Variants in ZNF439 observed in about 807,000 individuals in gnomAD.
The protein encoded by ZNF439 is zinc finger protein 439.
A neutral mutation model predicts 47.3 loss-of-function variants in ZNF439; 40 were observed. The ratio of observed to expected loss-of-function variants is 0.85; its 90% CI spans 0.66 to 1.10. The LOEUF (loss-of-function observed/expected upper bound fraction) is 1.10. Ranked by LOEUF, ZNF439 falls within the 50% of genes least tolerant of loss-of-function variation. ZNF439 has a pLI of 0.00. For missense variants in ZNF439, 556 were observed against 601.1 expected, an observed-to-expected ratio of 0.93 and a Z score of 0.78; for synonymous variants, 171 against 198.8, an observed-to-expected ratio of 0.86 and a Z score of 1.18.
Position 11,851,267 on chromosome 19 carries a change from T to G in ZNF439, c.63+2337T>G, listed in dbSNP as rs189650990. Among the ~76,000 whole-genome samples the G allele has an allele frequency of 2.6e-3, 393 of 152,332 alleles. 1 individual carries two copies. The highest frequency in any genetic ancestry group is 2.5e-3 in the Non-Finnish European group (172 of 68,032). The stretch of plus-strand genomic sequence containing the variant: ...AAACTAAGCTGTGCCTACCTGCATG[T>G]GGGCTGACAGCATCACAAAATTTAT... On this transcript the variant is annotated intron_variant, in intron 1 of 3. Transcript: ENST00000682736.
chr19:11,860,647 CG>C (rs1976514641), intron 1 of ZNF439, among the ~76,000 whole-genome samples: 1 of 152,114 alleles, frequency 6.6e-6, no homozygotes, highest in African/African-American at 2.4e-5. Context: ...AAGAAGGGGT[CG>C]GGGGCACCTT....
intron 1 of ZNF439, among the ~76,000 whole-genome samples, chr19:11,852,031 T>G (rs531360287): frequency 7.7e-4 from 117 of 152,328 alleles, no homozygotes; most frequent in Non-Finnish European, 1.3e-3. Context: ...TCCTTTTCAA[T>G]TTAAAAGAGT....
chr19:11,853,595 G>A lies in ZNF439; in HGVS notation c.63+4665G>A, dbSNP rs11880176. 1.6e-3 allele frequency among the ~76,000 whole-genome samples: 239 copies of A among 152,298 alleles called. 1 individual carries two copies. The highest frequency in any genetic ancestry group is 3.4e-3 in the Middle Eastern group (1 of 294). On this transcript the variant is annotated intron_variant, in intron 1 of 3. Transcript: ENST00000682736. Reference sequence around the variant, plus strand: ...GTCCTCAGTATACCTTCTGGCAGCAGAAGCAGATGTGAGTTTGCCCACATT... The same window carrying A: ...GTCCTCAGTATACCTTCTGGCAGCAAAAGCAGATGTGAGTTTGCCCACATT...
Position 11,866,280 on chromosome 19 carries a change from A to T in ZNF439, c.139A>T (p.Asn47Tyr), listed in dbSNP as rs1976679453. The change falls in exon 2 of 4, where the codon AAT (asparagine) becomes TAT (tyrosine). Residue 47 changes from asparagine to tyrosine, a missense_variant. Physicochemically the swap from Asn to Tyr is moderately radical, Grantham distance 143. Coordinates refer to ENST00000682736, the MANE Select transcript of ZNF439 (RefSeq NM_001348719.2). ...EWALLDISQK[N>Y]LYREVMLETF... ...GGCTTTGCTGGATATTTCCCAGAAG[A>T]ATCTCTACAGGGAAGTGATGCTGGA... The T allele has an allele frequency of 1.2e-6, 2 of 1,614,018 alleles. No homozygotes were observed. Among genetic ancestry groups the T allele is most frequent in the African/African-American group, 2.7e-5 (2 of 74,900 alleles).
Position 11,868,055 on chromosome 19 carries a change from A to G in ZNF439, c.1001A>G (p.Lys334Arg). 2 of 1,614,212 alleles carry G rather than the reference A, an allele frequency of 1.2e-6. No individual in the cohort carries two copies. The highest frequency in any genetic ancestry group is 1.7e-6 in the Non-Finnish European group (2 of 1,180,030). ...THSRKKLYEC[K>R]QCGKALSSLT... ...TCTAGGAAAAAACTTTATGAATGTA[A>G]GCAGTGTGGGAAAGCATTATCCTCT... Residue 334 changes from lysine (K) to arginine (R), a missense_variant, in exon 4 of 4, where the codon AAG becomes AGG. Transcript: ENST00000682736.
intron 1 of ZNF439, among the ~76,000 whole-genome samples, chr19:11,863,152 CTTT>C (rs34655587): frequency 4.7e-4 from 42 of 90,050 alleles, no homozygotes; most frequent in African/African-American, 1.4e-3. Flanking sequence ...AAAGATTTTG[CTTT>C]TTTTTTTTTT....
intron 1 of ZNF439, among the ~76,000 whole-genome samples, chr19:11,862,206 G>A (rs762057870): frequency 6.6e-6 from 1 of 151,976 alleles, no homozygotes; most frequent in African/African-American, 2.4e-5. Context: ...CACCATGTCC[G>A]GCCACTCATT....
chr19:11,860,076 C>A (rs544141452), intron 1 of ZNF439, among the ~76,000 whole-genome samples: 1 of 152,164 alleles, frequency 6.6e-6, no homozygotes, highest in Non-Finnish European at 1.5e-5. Context: ...TCTGCAGAAA[C>A]CATGGGTTAT....
At chr19:11,849,421 A>G (rs901099734) in intron 1 of ZNF439, 10 of 530,038 alleles carry the variant, frequency 1.9e-5, no homozygotes, top group Admixed American at 1.9e-4. Context: ...TGTAAAATAC[A>G]GAAGTGTATT....
intron 1 of ZNF439, among the ~76,000 whole-genome samples, chr19:11,852,974 G>C (rs1008702374): frequency 6.6e-6 from 1 of 152,000 alleles, no homozygotes; most frequent in Non-Finnish European, 1.5e-5. Flanking sequence ...TTGTTGCCCA[G>C]GGTGGTGTGC....
intron 1 of ZNF439, chr19:11,857,178 A>G (rs1368809130): frequency 1.3e-5 from 2 of 152,226 alleles, no homozygotes; most frequent in African/African-American, 4.8e-5. Context: ...GCTCGTGATG[A>G]GTAATCACAG....
At chr19:11,858,335 A>T (rs189271217) in intron 1 of ZNF439, 1 of 151,774 alleles carries the variant, frequency 6.6e-6, no homozygotes, top group East Asian at 1.9e-4. Context: ...GCATGGTGGC[A>T]GGCACCTGTA....
chr19:11,862,562 T>C (rs1976567211), intron 1 of ZNF439, among the ~76,000 whole-genome samples: 1 of 152,294 alleles, frequency 6.6e-6, no homozygotes, highest in Non-Finnish European at 1.5e-5. Flanking sequence ...GACTACTGAA[T>C]CCATAAGACC....
At chr19:11,861,762 G>C (rs909077583) in intron 1 of ZNF439, among the ~76,000 whole-genome samples, 1 of 152,206 alleles carries the variant, frequency 6.6e-6, no homozygotes, top group African/African-American at 2.4e-5. Flanking sequence ...GGGACACAAT[G>C]CCATGTTGGT....
rs751127850 is a variant in ZNF439, at chr19:11,866,191, G to A, written c.64-14G>A. On this transcript the variant is annotated splice_polypyrimidine_tract_variant and intron_variant, in intron 1 of 3. Coordinates refer to ENST00000682736, the MANE Select transcript of ZNF439 (RefSeq NM_001348719.2). Reference sequence around the variant, plus strand: ...CTCTCACCCATCCTCCTCTACACATGTGAGATGTTTCAGGACCCAGTGGCT... The same window carrying A: ...CTCTCACCCATCCTCCTCTACACATATGAGATGTTTCAGGACCCAGTGGCT... 2 of 1,614,142 alleles carry A rather than the reference G, an allele frequency of 1.2e-6. No individual in the cohort carries two copies. Among genetic ancestry groups the A allele is most frequent in the South Asian group, 1.1e-5 (1 of 91,084 alleles).
Position 11,868,681 on chromosome 19 carries a change from TG to T in ZNF439, c.*113del. ...GCAAGCAATGTGGTAAAGCCTTAAT[TG>T]TTCCAGTTCCTTTCGATATCTAAAA... is the stretch of plus-strand genomic sequence containing the variant. On this transcript the variant is annotated 3_prime_UTR_variant, in exon 4 of 4. Coordinates refer to ENST00000682736, the MANE Select transcript of ZNF439 (RefSeq NM_001348719.2). 1 of 1,209,464 alleles carries T rather than the reference TG, an allele frequency of 8.3e-7. No individual in the cohort carries two copies. The allele number at this position is 1,209,464 out of a possible 1,614,324, so 74.9% of individuals were successfully genotyped here. A position where few individuals can be genotyped will look rare whatever the true frequency, so the allele number is the denominator to read the frequency against.
intron 1 of ZNF439, among the ~76,000 whole-genome samples, chr19:11,865,446 C>A (rs560670644): frequency 6.7e-6 from 1 of 149,286 alleles, no homozygotes; most frequent in South Asian, 2.2e-4. Flanking sequence ...ATCTAGCATG[C>A]CTGTTTTGGG....
intron 1 of ZNF439, among the ~76,000 whole-genome samples, chr19:11,861,508 G>A (rs1025675039): frequency 2.0e-5 from 3 of 152,038 alleles, no homozygotes; most frequent in Non-Finnish European, 4.4e-5. Context: ...CCTGGTATAC[G>A]CTTCATCTAG....
At chr19:11,867,146 C>T (rs1407945278) in intron 3 of ZNF439, among the ~76,000 whole-genome samples, 160 bp from the exon 4 acceptor site, 3 of 152,206 alleles carry the variant, frequency 2.0e-5, no homozygotes, top group Non-Finnish European at 4.4e-5. Flanking sequence ...GGCTAGGTCA[C>T]CTTGTAGAAT....
Sources: allele counts gnomAD v4.1 joint callset (sites outside exome capture counted in the v4.1 genomes callset), GRCh38; gene constraint gnomAD v4.1.1; transcripts MANE v1.5; gene names NCBI Gene and HGNC (gene_info 2026-07-23, HGNC 2026-07-21).